KLB: variants seen among roughly 807,000 people sequenced by gnomAD.
KLB encodes the protein beta-klotho.
A neutral mutation model predicts 88.4 loss-of-function variants in KLB; 44 were observed. The observed-to-expected ratio is 0.50, with a 90% confidence interval of 0.39 to 0.64. KLB has a LOEUF of 0.64. KLB is among the 30% of genes least tolerant of loss of function. The pLI is 0.00. For synonymous variants in KLB, 548 were observed against 513.4 expected (o/e 1.07, Z -0.91); for missense variants, 1,137 against 1,304.8 (o/e 0.87, Z 1.98).
chr4:39,447,716 C>G (rs1743790573), intron 4 of KLB, among the ~76,000 whole-genome samples: 1 of 152,122 alleles, frequency 6.6e-6, no homozygotes, highest in African/African-American at 2.4e-5. Flanking sequence ...AAAAAATCAC[C>G]TGAAATCTCA....
intron 2 of KLB, 136 bp from the exon 3 acceptor site, chr4:39,437,591 T>G: frequency 1.0e-6 from 1 of 996,468 alleles, no homozygotes. Flanking sequence ...GAATTTTCTA[T>G]TTGATACAGC....
At chr4:39,428,770 G>C (rs578221627) in intron 1 of KLB, among the ~76,000 whole-genome samples, 9 of 152,304 alleles carry the variant, frequency 5.9e-5, no homozygotes, top group African/African-American at 2.2e-4. Flanking sequence ...GCAGTGGCGT[G>C]ATCTCGGCTC....
At chr4:39,414,489 T>C (rs2109821028) in intron 1 of KLB, among the ~76,000 whole-genome samples, 1 of 152,258 alleles carries the variant, frequency 6.6e-6, no homozygotes, top group Admixed American at 6.5e-5. Flanking sequence ...AAGCATTAGT[T>C]ATTTCTTAAC....
At chr4:39,424,362 C>T (rs983150642) in intron 1 of KLB, among the ~76,000 whole-genome samples, 4 of 151,690 alleles carry the variant, frequency 2.6e-5, no homozygotes, top group Non-Finnish European at 4.4e-5. Flanking sequence ...TGAGCTACCA[C>T]GCCTAGCACA....
chr4:39,433,306 C>T (rs957160879), intron 1 of KLB, among the ~76,000 whole-genome samples: 5 of 152,204 alleles, frequency 3.3e-5, no homozygotes, highest in Non-Finnish European at 7.4e-5. Context: ...GACCCCAAAG[C>T]TTACACTCTT....
intron 3 of KLB, among the ~76,000 whole-genome samples, chr4:39,443,001 T>A (rs1743648329): frequency 6.6e-6 from 1 of 152,134 alleles, no homozygotes; most frequent in Non-Finnish European, 1.5e-5. Context: ...TTCCTTTAAT[T>A]CAGGACAATC....
At position 39,434,603 on chromosome 4, in the gene KLB, T is replaced by G; in HGVS notation, c.1219T>G (p.Tyr407Asp). The part of the protein sequence containing the change: ...REALNWIKLE[Y>D]NNPRILIAEN... ...AGCGCTGAACTGGATTAAACTGGAA[T>G]ACAACAACCCTCGAATCTTGATTGC... Residue 407 changes from tyrosine (Y) to aspartate (D), a missense_variant, in exon 2 of 5, where the codon TAC becomes GAC. Coordinates refer to ENST00000257408, the MANE Select transcript of KLB (RefSeq NM_175737.4). 6.2e-7 allele frequency: 1 copy of G among 1,614,146 alleles called. No individual in the cohort carries two copies. The highest frequency in any genetic ancestry group is 8.5e-7 in the Non-Finnish European group (1 of 1,180,026).
At chr4:39,426,677 T>G (rs1453109150) in intron 1 of KLB, among the ~76,000 whole-genome samples, 1 of 124,490 alleles carries the variant, frequency 8.0e-6, no homozygotes. Flanking sequence ...TCACATACCT[T>G]AAGCATCCAA....
Position 39,446,340 on chromosome 4 carries a change from T to C in KLB, c.1614T>C (p.Ser538=), listed in dbSNP as rs1186742092. The part of the protein sequence containing the change: ...GVTESVLKPE[S]VASSPQFSDP... Reference sequence around the variant, plus strand: ...GAGCTTGTTTTTCACAGCCCGAGTCTGTGGCTTCGTCCCCACAGTTCAGCG... The same window carrying C: ...GAGCTTGTTTTTCACAGCCCGAGTCCGTGGCTTCGTCCCCACAGTTCAGCG... The change falls in exon 4 of 5, where the codon TCT becomes TCC. Residue 538 remains serine (S), a synonymous_variant. Coordinates refer to ENST00000257408, the MANE Select transcript of KLB (RefSeq NM_175737.4). This position sits in a 1 kb window ranked among gnomAD's most constrained non-coding sequence, Gnocchi z 6.4. The C allele has an allele frequency of 1.2e-6, 2 of 1,613,122 alleles. No homozygotes were observed. Among genetic ancestry groups the C allele is most frequent in the South Asian group, 2.2e-5 (2 of 91,058 alleles).
At chr4:39,438,131 AG>A (rs1407481817) in intron 3 of KLB, 136 bp downstream of exon 3, 1 of 820,682 alleles carries the variant, frequency 1.2e-6, no homozygotes, top group Non-Finnish European at 1.9e-6. Context: ...AAGGAGAGCT[AG>A]GGAAAGAGAA....
intron 1 of KLB, among the ~76,000 whole-genome samples, chr4:39,414,834 A>C (rs1484666415): frequency 6.9e-6 from 1 of 145,442 alleles, no homozygotes; most frequent in Non-Finnish European, 1.5e-5. Flanking sequence ...ATGCCACTGC[A>C]CTCTAGCCTG....
intron 1 of KLB, among the ~76,000 whole-genome samples, chr4:39,427,051 T>C (rs1344069267): frequency 6.6e-6 from 1 of 152,070 alleles, no homozygotes; most frequent in Non-Finnish European, 1.5e-5. Context: ...AGAGCAGCAT[T>C]TGGTAATTAA....
In KLB at chr4:39,448,679, T is replaced by C; in HGVS notation, c.3128T>C (p.Val1043Ala). 1 of 1,607,144 alleles carries C rather than the reference T, an allele frequency of 6.2e-7. No individual in the cohort carries two copies. The highest frequency in any genetic ancestry group is 2.2e-5 in the East Asian group (1 of 44,870). The change falls in exon 5 of 5, where the codon GTT becomes GCT. Residue 1043 changes from valine (V) to alanine (A), a missense_variant. This residue lies in a region of KLB where 426 missense variants were observed against 404.6 expected (regional missense o/e 1.05). Transcript: ENST00000257408. ...CCATTAAAGAAAGGCAAGAGAGTTG[T>C]TAGCTAAACTGATCTGTCTGCATGA... ...HIPLKKGKRV[V>A]S
At chr4:39,420,163 A>G (rs986153158) in intron 1 of KLB, among the ~76,000 whole-genome samples, 2 of 152,014 alleles carry the variant, frequency 1.3e-5, no homozygotes, top group African/African-American at 4.8e-5. Flanking sequence ...GGTAACCCTG[A>G]GGTTGGTGAA....
In KLB at chr4:39,450,626, T is replaced by C. The variant is rs1743870421; in HGVS notation, c.*1940T>C. 6.6e-6 allele frequency: 1 copy of C among 152,326 alleles called. No individual in the cohort carries two copies. The highest frequency in any genetic ancestry group is 2.4e-5 in the African/African-American group (1 of 41,572). 9.4% of individuals were successfully genotyped at this position (152,326 alleles called of 1,614,324 possible). ...TGAGGTATGATTTTCAAGGAATTTT[T>C]TTAGTATTAACATCTCCCTCTGAGA... is the stretch of plus-strand genomic sequence containing the variant. On this transcript the variant is annotated 3_prime_UTR_variant, in exon 5 of 5. Coordinates refer to ENST00000257408, the MANE Select transcript of KLB (RefSeq NM_175737.4).
At chr4:39,442,241 C>CAA (rs547196892) in intron 3 of KLB, among the ~76,000 whole-genome samples, 1,735 of 138,814 alleles carry the variant, frequency 0.012, 36 homozygotes, top group African/African-American at 0.042. Flanking sequence ...GACCCTGTCT[C>CAA]AAAAAAAAAA....
chr4:39,436,475 C>G (rs1261965227), intron 2 of KLB, among the ~76,000 whole-genome samples: 2 of 152,116 alleles, frequency 1.3e-5, no homozygotes, highest in Non-Finnish European at 2.9e-5. Context: ...TCCTTAGGAC[C>G]CTACAACAGC....
Position 39,407,072 on chromosome 4 carries a change from G to C in KLB, c.123G>C (p.Leu41=), listed in dbSNP as rs1307016798. ...GGGGATTGCAAAGATCTGTCATCCTGTCAGCACTTATTCTGCTACGAGCTG... is the reference window on the plus strand; with the variant it reads ...GGGGATTGCAAAGATCTGTCATCCTCTCAGCACTTATTCTGCTACGAGCTG... The part of the protein sequence containing the change: ...SNGGLQRSVI[L]SALILLRAVT... Residue 41 remains leucine, a synonymous_variant, in exon 1 of 5, where the codon CTG becomes CTC. Coordinates refer to ENST00000257408, the MANE Select transcript of KLB (RefSeq NM_175737.4). 3.1e-6 allele frequency: 5 copies of C among 1,613,888 alleles called. No homozygotes were observed. In the South Asian group the frequency reaches 4.4e-5, roughly 14 times the overall value.
rs972094133 is a variant in KLB, at chr4:39,447,297, C to T, written c.2571C>T (p.Ser857=). ...TTCTGCAGGACATCACCCGCCTGAG[C>T]TCCCCCACGCGCCTGGCTGTGATTC... ...IQFLQDITRL[S]SPTRLAVIPW... is the part of the protein sequence containing the mutation. Residue 857 remains serine, a synonymous_variant, in exon 4 of 5, where the codon AGC becomes AGT. Coordinates refer to ENST00000257408, the MANE Select transcript of KLB (RefSeq NM_175737.4). 4 of 1,614,064 alleles carry T rather than the reference C, an allele frequency of 2.5e-6. No homozygotes were observed. In the Admixed American group the frequency reaches 5.0e-5, roughly 20 times the overall value.
Sources: allele counts gnomAD v4.1 joint callset (sites outside exome capture counted in the v4.1 genomes callset), GRCh38; gene constraint gnomAD v4.1.1; regional missense constraint gnomAD v4.1.1; non-coding constraint Gnocchi (gnomAD v3.1); transcripts MANE v1.5; gene names NCBI Gene and HGNC (gene_info 2026-07-23, HGNC 2026-07-21).